SNTG2: variants seen among roughly 807,000 people sequenced by gnomAD.
SNTG2 encodes gamma-2-syntrophin.
A neutral mutation model predicts 70.9 loss-of-function variants in SNTG2; 74 were observed. That is an observed-to-expected ratio of 1.04 (90% CI 0.86 to 1.27). The LOEUF is 1.27. Among genes scored for constraint, SNTG2 ranks in the 50% most tolerant of loss-of-function variants. SNTG2 has a pLI of 0.00. For synonymous variants in SNTG2, 278 were observed against 273.8 expected, an observed-to-expected ratio of 1.02 and a Z score of -0.15; for missense variants, 717 against 690.7, an observed-to-expected ratio of 1.04 and a Z score of -0.43.
intron 14 of SNTG2, among the ~76,000 whole-genome samples, chr2:1,284,900 C>T (rs1679704498): frequency 9.7e-6 from 1 of 103,478 alleles, no homozygotes; most frequent in African/African-American, 3.6e-5. Context: ...TCTACAGGGA[C>T]ACAATAGGAG....
At chr2:951,711 A>G (rs538140491) in intron 1 of SNTG2, among the ~76,000 whole-genome samples, 115 of 152,374 alleles carry the variant, frequency 7.5e-4, no homozygotes, top group African/African-American at 2.6e-3. Context: ...ATGTTGGCCC[A>G]AAGAAAAACG....
intron 2 of SNTG2, among the ~76,000 whole-genome samples, chr2:1,089,918 G>A (rs1664913172): frequency 6.6e-6 from 1 of 152,152 alleles, no homozygotes; most frequent in Non-Finnish European, 1.5e-5. Flanking sequence ...CTCTGTCTAC[G>A]TTATTAAAGA....
intron 4 of SNTG2, among the ~76,000 whole-genome samples, chr2:1,105,494 G>C (rs556122727): frequency 2.1e-4 from 32 of 152,290 alleles, no homozygotes; most frequent in African/African-American, 7.2e-4. Flanking sequence ...AACCACACAC[G>C]TACGTGCTCC....
intron 1 of SNTG2, among the ~76,000 whole-genome samples, chr2:1,015,458 C>T (rs2148001796): frequency 6.6e-6 from 1 of 152,194 alleles, no homozygotes; most frequent in East Asian, 1.9e-4. Flanking sequence ...ATGTGACTTA[C>T]AAGAGGTTTA....
intron 9 of SNTG2, among the ~76,000 whole-genome samples, chr2:1,219,607 C>A (rs552571733): frequency 2.0e-5 from 3 of 149,190 alleles, no homozygotes; most frequent in South Asian, 2.1e-4. Context: ...GTCCATGCCT[C>A]TTGTTTTAGG....
At chr2:1,123,990 G>A (rs150198823) in intron 4 of SNTG2, among the ~76,000 whole-genome samples, 2 of 152,140 alleles carry the variant, frequency 1.3e-5, no homozygotes, top group African/African-American at 2.4e-5. Flanking sequence ...GGAGAATGGG[G>A]AGATGACGGT....
intron 1 of SNTG2, among the ~76,000 whole-genome samples, chr2:1,070,517 T>C (rs1663462688): frequency 1.3e-5 from 2 of 152,208 alleles, no homozygotes; most frequent in South Asian, 4.1e-4. Context: ...TTAATGTTAA[T>C]ATCGTTTCAA....
Position 1,012,276 on chromosome 2 carries a change from A to G in SNTG2, c.72+61208A>G, listed in dbSNP as rs73908652. Among the ~76,000 whole-genome samples, 610 of 152,322 alleles carry G rather than the reference A, an allele frequency of 4.0e-3. 3 individuals are homozygous for G. The highest frequency in any genetic ancestry group is 0.014 in the African/African-American group (569 of 41,568). On this transcript the variant is annotated intron_variant, in intron 1 of 16. Coordinates refer to ENST00000308624, the MANE Select transcript of SNTG2 (RefSeq NM_018968.4). ...ATGGAGCTTCCATTAGATCCACAAAACAACATCTTGAAATAACGTTGTTCA... is the reference window on the plus strand; with the variant it reads ...ATGGAGCTTCCATTAGATCCACAAAGCAACATCTTGAAATAACGTTGTTCA...
At chr2:1,099,733 T>C (rs1410871339) in intron 4 of SNTG2, among the ~76,000 whole-genome samples, 2 of 133,170 alleles carry the variant, frequency 1.5e-5, no homozygotes, top group Non-Finnish European at 3.2e-5. Flanking sequence ...CAGGAGACCA[T>C]GTTTTGCTGC....
chr2:1,208,310 G>A (rs1218050295), intron 8 of SNTG2, among the ~76,000 whole-genome samples: 1 of 76,152 alleles, frequency 1.3e-5, no homozygotes, highest in Non-Finnish European at 2.7e-5. Context: ...ACATCTGTGT[G>A]AGGCACGTCC....
intron 2 of SNTG2, among the ~76,000 whole-genome samples, chr2:1,087,581 A>G (rs1273736344): frequency 1.3e-5 from 2 of 152,128 alleles, no homozygotes; most frequent in Non-Finnish European, 2.9e-5. Context: ...TATCTTTACA[A>G]CTGTGCAAAT....
intron 1 of SNTG2, among the ~76,000 whole-genome samples, chr2:1,028,825 GT>G (rs1660649181): frequency 6.6e-6 from 1 of 151,016 alleles, no homozygotes; most frequent in Non-Finnish European, 1.5e-5. Context: ...GATGGGTACT[GT>G]TCCGTTTGTG....
At chr2:1,363,677 T>G (rs935814478) in intron 16 of SNTG2, among the ~76,000 whole-genome samples, 3 of 152,304 alleles carry the variant, frequency 2.0e-5, no homozygotes, top group East Asian at 1.9e-4. Context: ...AATGTCAAAA[T>G]GTGATTTCAA....
chr2:1,136,884 T>G (rs773938699), intron 4 of SNTG2, among the ~76,000 whole-genome samples: 8 of 152,218 alleles, frequency 5.3e-5, no homozygotes, highest in Non-Finnish European at 1.0e-4. Flanking sequence ...GTACAGTTGT[T>G]TTGATCAGAG....
intron 7 of SNTG2, among the ~76,000 whole-genome samples, chr2:1,165,938 T>G (rs1284423804): frequency 6.6e-6 from 1 of 152,208 alleles, no homozygotes; most frequent in African/African-American, 2.4e-5. Context: ...TATCTATATG[T>G]TAACGTAGAA....
At chr2:1,163,410 T>TGTGAAGCCTCCCAACAGGAAGTAGGCAC (rs1176469205) in intron 6 of SNTG2, 4 of 146,198 alleles carry the variant, frequency 2.7e-5, no homozygotes, top group Non-Finnish European at 4.4e-5. Flanking sequence ...GAAGCGGGCC[T>TGTGAAGCCTCCCAACAGGAAGTAGGCAC]GTGAAGCCTC....
chr2:1,310,927 G>A (rs1033810583), intron 15 of SNTG2, among the ~76,000 whole-genome samples: 15 of 152,228 alleles, frequency 9.9e-5, no homozygotes, highest in African/African-American at 3.4e-4. Flanking sequence ...TTGGTAACCA[G>A]ACCGTCCAAC....
At chr2:1,156,748 C>T (rs4246561) in intron 6 of SNTG2, among the ~76,000 whole-genome samples, 128,023 of 151,952 alleles carry the variant, frequency 0.84, 55,430 homozygotes, top group Non-Finnish European at 0.96. Context: ...AGGTGATGCT[C>T]GGGCTGTCAT....
At chr2:1,055,838 C>T (rs943491291) in intron 1 of SNTG2, among the ~76,000 whole-genome samples, 1 of 152,128 alleles carries the variant, frequency 6.6e-6, no homozygotes. Flanking sequence ...GCAGCACCAG[C>T]CCTCCCTTGA....
Sources: allele counts gnomAD v4.1 joint callset (sites outside exome capture counted in the v4.1 genomes callset), GRCh38; gene constraint gnomAD v4.1.1; transcripts MANE v1.5; gene names NCBI Gene and HGNC (gene_info 2026-07-23, HGNC 2026-07-21).